NAALADL2: variants seen among roughly 807,000 people sequenced by gnomAD.
NAALADL2 encodes the protein N-acetylated alpha-linked acidic dipeptidase like 2, also known as inactive N-acetylated-alpha-linked acidic dipeptidase-like protein 2.
In NAALADL2, 76 loss-of-function variants were observed where a neutral mutation model predicts 87.2. That is an observed-to-expected ratio of 0.87 (90% confidence interval 0.72 to 1.05). NAALADL2 has a LOEUF of 1.05. Among genes scored for constraint, NAALADL2 ranks in the 50% least tolerant of loss-of-function variants. NAALADL2 has a pLI of 0.00. For missense variants in NAALADL2, 1,089 were observed against 945.8 expected, an observed-to-expected ratio of 1.15 and a Z score of -1.99; for synonymous variants, 354 against 331.0, an observed-to-expected ratio of 1.07 and a Z score of -0.75.
chr3:174,550,477 T>C (rs146119993), intron 1 of NAALADL2: 1 of 152,034 alleles, frequency 6.6e-6, no homozygotes, highest in East Asian at 1.9e-4. Context: ...TTAAAAGAGG[T>C]GATTAAATTA....
At chr3:174,508,925 A>T (rs1719400998) in intron 1 of NAALADL2, among the ~76,000 whole-genome samples, 1 of 152,162 alleles carries the variant, frequency 6.6e-6, no homozygotes, top group Non-Finnish European at 1.5e-5. Context: ...TGTTGTTATT[A>T]TATAGAAATG....
intron 1 of NAALADL2, among the ~76,000 whole-genome samples, chr3:175,065,786 G>A (rs995701538): frequency 2.6e-5 from 4 of 152,144 alleles, no homozygotes; most frequent in South Asian, 2.1e-4. Flanking sequence ...GTTATAAACC[G>A]TGTTCACTGA....
intron 11 of NAALADL2, chr3:175,675,824 GT>G (rs1734695429): frequency 1.3e-5 from 2 of 152,050 alleles, no homozygotes; most frequent in South Asian, 4.1e-4. Flanking sequence ...ATAAAAAATG[GT>G]TTTATTTTCC....
At chr3:175,282,279 A>G (rs1324381111) in intron 4 of NAALADL2, among the ~76,000 whole-genome samples, 2 of 152,068 alleles carry the variant, frequency 1.3e-5, no homozygotes, top group African/African-American at 2.4e-5. Flanking sequence ...TGGGGTTACT[A>G]GACAATTATC....
intron 2 of NAALADL2, among the ~76,000 whole-genome samples, chr3:175,133,692 G>A (rs569549365): frequency 1.3e-5 from 2 of 152,164 alleles, no homozygotes; most frequent in East Asian, 1.9e-4. Context: ...GCTTCGGCTT[G>A]GCATCAGAGG....
At chr3:175,530,596 C>T (rs1318066580) in intron 9 of NAALADL2, among the ~76,000 whole-genome samples, 1 of 152,150 alleles carries the variant, frequency 6.6e-6, no homozygotes, top group Non-Finnish European at 1.5e-5. Context: ...GAACCAGGCC[C>T]TAGCCTTCTC....
intron 3 of NAALADL2, among the ~76,000 whole-genome samples, chr3:174,750,205 A>G (rs1413889966): frequency 6.6e-6 from 1 of 152,186 alleles, no homozygotes; most frequent in East Asian, 1.9e-4. Context: ...TATAAAAGAT[A>G]AGAATGGGCA....
At chr3:175,412,891 T>TTTATTATTATTATTATTATTATTA (rs58135076) in intron 5 of NAALADL2, among the ~76,000 whole-genome samples, 39 of 123,008 alleles carry the variant, frequency 3.2e-4, no homozygotes, top group East Asian at 4.9e-4. Flanking sequence ...ATTTAATTTA[T>TTTATTATTATTATTATTATTATTA]TTATTATTAT....
In NAALADL2 at chr3:175,698,478, T is replaced by C. The variant is rs1314301113; in HGVS notation, c.1897-38828T>C. 1.7e-5 allele frequency among the ~76,000 whole-genome samples: 2 copies of C among 119,592 alleles called. 1 individual carries two copies. The highest frequency in any genetic ancestry group is 4.1e-4 in the East Asian group (2 of 4,920). The allele number at this position is 119,592 out of a possible 152,430, so 78.5% of individuals were successfully genotyped here. On this transcript the variant is annotated intron_variant, in intron 11 of 13. Coordinates refer to ENST00000454872, the MANE Select transcript of NAALADL2 (RefSeq NM_207015.3). ...ATATATGTGTATATATGTGTGTATATATATTTATATATATATATATATATA... is the reference window on the plus strand; with the variant it reads ...ATATATGTGTATATATGTGTGTATACATATTTATATATATATATATATATA...
At chr3:175,383,261 A>G (rs779875937) in intron 5 of NAALADL2, among the ~76,000 whole-genome samples, 12 of 152,050 alleles carry the variant, frequency 7.9e-5, no homozygotes, top group Non-Finnish European at 1.8e-4. Flanking sequence ...CTATTGTGCT[A>G]CCAAACATTA....
chr3:175,322,034 A>G (rs1433638475), intron 4 of NAALADL2, among the ~76,000 whole-genome samples: 8 of 151,982 alleles, frequency 5.3e-5, no homozygotes, highest in African/African-American at 1.9e-4. Flanking sequence ...CACCAAGTCA[A>G]TCCGAAGCCA....
intron 1 of NAALADL2, among the ~76,000 whole-genome samples, chr3:174,895,761 G>T (rs888544363): frequency 1.3e-5 from 2 of 151,848 alleles, no homozygotes; most frequent in African/African-American, 2.4e-5. Flanking sequence ...ACAACTGCAG[G>T]CCAATAACTC....
intron 2 of NAALADL2, among the ~76,000 whole-genome samples, chr3:175,109,132 G>A (rs1723748516): frequency 6.6e-6 from 1 of 151,704 alleles, no homozygotes; most frequent in South Asian, 2.1e-4. Flanking sequence ...ACAAACATAA[G>A]CAAATTGTCT....
chr3:174,509,375 A>C (rs988854180), intron 1 of NAALADL2, among the ~76,000 whole-genome samples: 1 of 149,242 alleles, frequency 6.7e-6, no homozygotes, highest in Admixed American at 6.7e-5. Context: ...AGAGAGAGAG[A>C]GCGAGCTCTG....
At chr3:174,658,787 C>A (rs1725226426) in intron 2 of NAALADL2, among the ~76,000 whole-genome samples, 1 of 152,100 alleles carries the variant, frequency 6.6e-6, no homozygotes, top group African/African-American at 2.4e-5. Flanking sequence ...GTTTGATATT[C>A]ATTTCTTATT....
chr3:174,977,691 C>A (rs1239821799), intron 1 of NAALADL2, among the ~76,000 whole-genome samples: 1 of 152,068 alleles, frequency 6.6e-6, no homozygotes, highest in African/African-American at 2.4e-5. Flanking sequence ...CCCAGGGGAT[C>A]TAAGGAAGGT....
intron 9 of NAALADL2, among the ~76,000 whole-genome samples, chr3:175,472,457 A>G (rs571713536): frequency 6.6e-6 from 1 of 152,084 alleles, no homozygotes; most frequent in African/African-American, 2.4e-5. Flanking sequence ...GCTATTTCTC[A>G]TTATGAAAAC....
intron 5 of NAALADL2, among the ~76,000 whole-genome samples, chr3:175,379,660 C>T (rs1466918213): frequency 6.6e-6 from 1 of 151,846 alleles, no homozygotes; most frequent in East Asian, 1.9e-4. Flanking sequence ...CTGCCTCGGC[C>T]TTCTAAAGTG....
At chr3:175,014,775 C>G (rs1164203079) in intron 1 of NAALADL2, among the ~76,000 whole-genome samples, 1 of 152,130 alleles carries the variant, frequency 6.6e-6, no homozygotes, top group Non-Finnish European at 1.5e-5. Context: ...ATCCATAACA[C>G]TTAAATAATG....
Sources: gnomAD v4.1 joint callset for allele counts (sites outside exome capture counted in the v4.1 genomes callset) on GRCh38, gnomAD v4.1.1 for gene constraint, MANE v1.5 for transcripts, NCBI Gene and HGNC (gene_info 2026-07-23, HGNC 2026-07-21) for gene names.